The following TENM4 variants were observed in gnomAD, a reference collection of about 807,000 sequenced individuals.
TENM4 encodes teneurin transmembrane protein 4, also known as teneurin-4.
A neutral mutation model predicts 243.3 loss-of-function variants in TENM4; 82 were observed. That is an observed-to-expected ratio of 0.34 (90% CI 0.28 to 0.40). The LOEUF is 0.40. Ranked by LOEUF, TENM4 falls within the 10% of genes least tolerant of loss-of-function variation. TENM4 has a pLI of 1.00. For missense variants in TENM4, 3,138 were observed against 3,673.3 expected, an observed-to-expected ratio of 0.85 and a Z score of 3.77; for synonymous variants, 1,412 against 1,456.3, an observed-to-expected ratio of 0.97 and a Z score of 0.69.
At chr11:79,279,419 A>G (rs1856117251) in intron 2 of TENM4, among the ~76,000 whole-genome samples, 3 of 152,200 alleles carry the variant, frequency 2.0e-5, no homozygotes. Context: ...TGACTTCTTT[A>G]CTGTTGGATA....
chr11:79,410,545 A>G (rs1858678056), intron 1 of TENM4, among the ~76,000 whole-genome samples: 1 of 152,134 alleles, frequency 6.6e-6, no homozygotes, highest in African/African-American at 2.4e-5. Context: ...CACTATTATC[A>G]CTTGATATCA....
chr11:79,226,982 G>C (rs1049377739), intron 2 of TENM4, among the ~76,000 whole-genome samples: 3 of 152,184 alleles, frequency 2.0e-5, no homozygotes, highest in African/African-American at 7.2e-5. Flanking sequence ...ACACTGGCCT[G>C]CTCTGCTGTG....
chr11:78,971,576 C>G (rs1857548256), intron 6 of TENM4, among the ~76,000 whole-genome samples: 1 of 152,272 alleles, frequency 6.6e-6, no homozygotes, highest in South Asian at 2.1e-4. Flanking sequence ...GCTGGGATTA[C>G]AGGCATGAGC....
At chr11:78,896,654 A>G (rs1255893823) in intron 7 of TENM4, among the ~76,000 whole-genome samples, 1 of 151,884 alleles carries the variant, frequency 6.6e-6, no homozygotes, top group African/African-American at 2.4e-5. Context: ...CTCTGTGCCT[A>G]TCTCTCAGCT....
At chr11:78,855,404 C>T (rs1210074878) in intron 11 of TENM4, among the ~76,000 whole-genome samples, 3 of 152,080 alleles carry the variant, frequency 2.0e-5, no homozygotes, top group African/African-American at 7.2e-5. Flanking sequence ...TTCAGTGTTT[C>T]TGGTGTGCAT....
chr11:79,187,556 C>A (rs1456761233), intron 3 of TENM4, among the ~76,000 whole-genome samples: 1 of 152,206 alleles, frequency 6.6e-6, no homozygotes, highest in Non-Finnish European at 1.5e-5. Context: ...AGGCAGGACA[C>A]TAGTGAGACT....
intron 16 of TENM4, among the ~76,000 whole-genome samples, chr11:78,784,471 A>G (rs1856895969): frequency 6.6e-6 from 1 of 152,126 alleles, no homozygotes; most frequent in African/African-American, 2.4e-5. Flanking sequence ...CCACAGAGAG[A>G]AGGTTACCAT....
chr11:78,947,872 C>T (rs746795494), intron 6 of TENM4, among the ~76,000 whole-genome samples: 1 of 152,166 alleles, frequency 6.6e-6, no homozygotes, highest in African/African-American at 2.4e-5. Context: ...TCACAACTGC[C>T]AAACCATCGG....
At chr11:79,158,289 AG>A (rs2135076888) in intron 3 of TENM4, among the ~76,000 whole-genome samples, 1 of 152,350 alleles carries the variant, frequency 6.6e-6, no homozygotes, top group South Asian at 2.1e-4. Context: ...TCCTTTAGGA[AG>A]AAAGAATGAT....
At chr11:79,007,549 G>T (rs1234697820) in intron 6 of TENM4, among the ~76,000 whole-genome samples, 1 of 152,144 alleles carries the variant, frequency 6.6e-6, no homozygotes, top group East Asian at 1.9e-4. Context: ...CCATCCTTAG[G>T]TCTGGTCGTT....
chr11:78,952,654 C>A (rs61595970), intron 6 of TENM4, among the ~76,000 whole-genome samples: 1 of 152,196 alleles, frequency 6.6e-6, no homozygotes, highest in Non-Finnish European at 1.5e-5. Flanking sequence ...GTGATCACAA[C>A]TTTAGTTTTG....
chr11:78,851,830 C>T (rs1858546752), intron 12 of TENM4, among the ~76,000 whole-genome samples: 1 of 152,208 alleles, frequency 6.6e-6, no homozygotes, highest in Non-Finnish European at 1.5e-5. Flanking sequence ...TTAATGTCAC[C>T]AGTGACTCTG....
At chr11:79,374,972 C>CT (rs558808210) in intron 1 of TENM4, among the ~76,000 whole-genome samples, 78 of 152,284 alleles carry the variant, frequency 5.1e-4, no homozygotes, top group African/African-American at 1.3e-3. Context: ...CCACTTTGCC[C>CT]TTTTTTCTGG....
At chr11:78,662,277 T>C (rs1277926038) in intron 32 of TENM4, among the ~76,000 whole-genome samples, 1 of 151,738 alleles carries the variant, frequency 6.6e-6, no homozygotes, top group Non-Finnish European at 1.5e-5. Flanking sequence ...CTGCAACCTC[T>C]GTCTCCTGGG....
At chr11:79,155,185 A>T (rs1419212260) in intron 3 of TENM4, among the ~76,000 whole-genome samples, 1 of 152,270 alleles carries the variant, frequency 6.6e-6, no homozygotes, top group South Asian at 2.1e-4. Flanking sequence ...CGGGACCCAG[A>T]AGAGGGACAG....
intron 9 of TENM4, among the ~76,000 whole-genome samples, chr11:78,886,947 G>A (rs1235666339): frequency 1.3e-5 from 2 of 152,156 alleles, no homozygotes; most frequent in Non-Finnish European, 2.9e-5. Context: ...TGTTGTAATT[G>A]AAGCGATCAG....
rs565536835 is a variant in TENM4 at position 78,801,461 on chromosome 11, C to T, written c.2179+3831G>A. 3.4e-4 allele frequency among the ~76,000 whole-genome samples: 51 copies of T among 152,232 alleles called. No individual in the cohort carries two copies. The Middle Eastern group carries it at 0.017, about 51-fold the overall frequency. On this transcript the variant is annotated intron_variant, in intron 15 of 33. Coordinates refer to ENST00000278550, the MANE Select transcript of TENM4 (RefSeq NM_001098816.3). ...TGGACTGAAAGAGGAATTTCTGAGA[C>T]GAGACTGGAAGCCAAGTTGCCAGGA...
At position 78,658,797 on chromosome 11, in the gene TENM4, C is replaced by G; in HGVS notation, c.7571G>C (p.Cys2524Ser). ...DNSKSILGVQ[C>S]EVQKQLKAFV... ...GGCCTTGAGCTGCTTCTGTACTTCA[C>G]ACTGTACCCCGAGGATAGACTGATG... Residue 2524 changes from cysteine (C) to serine (S), a missense_variant, in exon 34 of 34, where the codon TGT (cysteine) becomes TCT (serine). Physicochemically the swap from Cys to Ser is moderately radical, Grantham distance 112 (BLOSUM62 -1). Coordinates refer to ENST00000278550, the MANE Select transcript of TENM4 (RefSeq NM_001098816.3). The G allele has an allele frequency of 6.2e-7, 1 of 1,612,854 alleles. No homozygotes were observed. The highest frequency in any genetic ancestry group is 8.5e-7 in the Non-Finnish European group (1 of 1,179,182).
At chr11:79,323,347 T>G (rs1483207437) in intron 1 of TENM4, among the ~76,000 whole-genome samples, 3 of 152,214 alleles carry the variant, frequency 2.0e-5, no homozygotes, top group African/African-American at 7.2e-5. Flanking sequence ...CTACCTGCTC[T>G]TCTTTCTACT....
Sources: gnomAD v4.1 joint callset for allele counts (sites outside exome capture counted in the v4.1 genomes callset) on GRCh38, gnomAD v4.1.1 for gene constraint, MANE v1.5 for transcripts, NCBI Gene and HGNC (gene_info 2026-07-23, HGNC 2026-07-21) for gene names.